The following HMCN1 variants were observed in gnomAD, a reference collection of about 807,000 sequenced individuals.
The protein encoded by HMCN1 is hemicentin-1.
A neutral mutation model predicts 625.9 loss-of-function variants in HMCN1; 321 were observed. The ratio of observed to expected loss-of-function variants is 0.51; its 90% CI spans 0.47 to 0.56. HMCN1 has a LOEUF of 0.56. Ranked by LOEUF, HMCN1 falls within the 20% of genes least tolerant of loss-of-function variation. The probability of loss-of-function intolerance (pLI) is 0.00; values close to 1 mark genes in which losing one functional copy is unlikely to be tolerated. For missense variants in HMCN1, 6,588 were observed against 6,887.3 expected (o/e 0.96, Z 1.54); for synonymous variants, 2,425 against 2,417.6 (o/e 1.00, Z -0.09).
chr1:185,903,661 G>C (rs527681209), intron 4 of HMCN1, among the ~76,000 whole-genome samples: 8 of 151,706 alleles, frequency 5.3e-5, no homozygotes, highest in East Asian at 1.9e-4. Flanking sequence ...CCTCTCAAAA[G>C]TCTCAAGTGG....
chr1:186,055,279 T>C (rs1657234281), intron 44 of HMCN1, 114 bp from the exon 45 acceptor site: 1 of 969,070 alleles, frequency 1.0e-6, no homozygotes, highest in Admixed American at 2.1e-5. Flanking sequence ...TTTTCTTTAG[T>C]TATTTATATT....
chr1:185,781,082 T>A (rs936480746), intron 1 of HMCN1, among the ~76,000 whole-genome samples: 2 of 152,220 alleles, frequency 1.3e-5, no homozygotes, highest in African/African-American at 2.4e-5. Context: ...CTTGGGAAGT[T>A]GTATGTGTCC....
intron 71 of HMCN1, 146 bp downstream of exon 71, chr1:186,108,743 A>T (rs1434704976): frequency 5.0e-6 from 5 of 1,001,550 alleles, no homozygotes; most frequent in African/African-American, 4.9e-5. Context: ...CAGGGTTTTT[A>T]AATTAGCTTT....
At chr1:186,139,261 G>A (rs552791879) in intron 89 of HMCN1, among the ~76,000 whole-genome samples, 16 of 152,260 alleles carry the variant, frequency 1.1e-4, no homozygotes, top group South Asian at 4.1e-4. Flanking sequence ...TATTTAAATC[G>A]TAGGTATCTG....
At chr1:185,939,231 A>C (rs1046713820) in intron 11 of HMCN1, among the ~76,000 whole-genome samples, 12 of 152,230 alleles carry the variant, frequency 7.9e-5, no homozygotes, top group Non-Finnish European at 1.6e-4. Flanking sequence ...GGCTGTTTGA[A>C]TCAGCCACAC....
intron 8 of HMCN1, among the ~76,000 whole-genome samples, chr1:185,924,253 C>T (rs1448805851): frequency 9.4e-5 from 6 of 63,718 alleles, no homozygotes; most frequent in African/African-American, 3.7e-4. Context: ...TTTTTTGAGA[C>T]GGAGTCTCGC....
At position 186,055,542 on chromosome 1, in the gene HMCN1, G is replaced by C. The variant is rs766593304; in HGVS notation, c.7012G>C (p.Gly2338Arg). The C allele has an allele frequency of 6.2e-7, 1 of 1,612,796 alleles. No homozygotes were observed. Among genetic ancestry groups the C allele is most frequent in the Non-Finnish European group, 8.5e-7 (1 of 1,179,266 alleles). ...TGGCCACCCCTTGATCAAGGCAAAG[G>C]GAGTAGAAATACTGGATGAAGGTCA... Reference protein sequence around the residue: ...KDGHPLIKAKGVEILDEGHIL... With the variant: ...KDGHPLIKAKRVEILDEGHIL... Residue 2338 changes from glycine (G) to arginine (R), a missense_variant, in exon 45 of 107, where the codon GGA (glycine) becomes CGA (arginine). Around this residue, in one of 3 missense-constraint regions of HMCN1, gnomAD observed 4,628 missense variants for 4,853.1 expected, o/e 0.95. Transcript: ENST00000271588.
chr1:185,996,117 T>C (rs892077668), intron 24 of HMCN1, among the ~76,000 whole-genome samples: 1 of 152,176 alleles, frequency 6.6e-6, no homozygotes, highest in African/African-American at 2.4e-5. Context: ...CATGAAATAG[T>C]CTCATGACTA....
intron 58 of HMCN1, 101 bp from the exon 59 acceptor site, chr1:186,087,116 C>T (rs1473883097): frequency 3.9e-6 from 3 of 775,100 alleles, no homozygotes; most frequent in Non-Finnish European, 7.0e-6. Flanking sequence ...ATAAATTTTA[C>T]TCTAAGGGGA....
At chr1:186,048,694 C>A (rs1422341563) in intron 41 of HMCN1, 49 bp from the exon 42 acceptor site, 3 of 1,098,594 alleles carry the variant, frequency 2.7e-6, no homozygotes, top group Non-Finnish European at 2.8e-6. Context: ...AATTAAAAAA[C>A]CCCAAGTGAA....
chr1:186,096,414 T>C (rs1239271894), intron 68 of HMCN1, among the ~76,000 whole-genome samples: 2 of 152,122 alleles, frequency 1.3e-5, no homozygotes, highest in Non-Finnish European at 2.9e-5. Flanking sequence ...TATTAATGTG[T>C]TATTTGTTGG....
intron 2 of HMCN1, among the ~76,000 whole-genome samples, chr1:185,856,563 G>A (rs1662480331): frequency 6.6e-6 from 1 of 151,932 alleles, no homozygotes; most frequent in African/African-American, 2.4e-5. Flanking sequence ...ACAGGTAAGG[G>A]ACAGATTACA....
chr1:186,178,389 CTTT>C, intron 103 of HMCN1, 24 bp from the exon 104 acceptor site: 1 of 1,507,734 alleles, frequency 6.6e-7, no homozygotes, highest in Non-Finnish European at 9.1e-7. Context: ...CTTTTTTTTT[CTTT>C]TTTATATCAT....
intron 84 of HMCN1, 103 bp downstream of exon 84, chr1:186,130,203 A>C: frequency 6.8e-7 from 1 of 1,467,058 alleles, no homozygotes; most frequent in South Asian, 1.2e-5. Context: ...TCAAGTTTTT[A>C]ATCCACTCAG....
chr1:186,179,684 G>C (rs1652817618), intron 104 of HMCN1, among the ~76,000 whole-genome samples: 1 of 152,166 alleles, frequency 6.6e-6, no homozygotes, highest in Non-Finnish European at 1.5e-5. Flanking sequence ...TTTCTGGAAA[G>C]CGTTCTACAC....
chr1:185,824,571 C>T lies in HMCN1; in HGVS notation c.269-21455C>T, dbSNP rs113803119. 7.4e-3 allele frequency among the ~76,000 whole-genome samples: 1,130 copies of T among 152,190 alleles called. 10 individuals are homozygous for T. Among genetic ancestry groups the T allele is most frequent in the African/African-American group, 0.025 (1,057 of 41,550 alleles). Reference sequence around the variant, plus strand: ...TGGTTAGATTATCGGGGAGAATGGACACTATATTGGTTGTAGGCATAACCA... The same window carrying T: ...TGGTTAGATTATCGGGGAGAATGGATACTATATTGGTTGTAGGCATAACCA... On this transcript the variant is annotated intron_variant, in intron 1 of 106. Coordinates refer to ENST00000271588, the MANE Select transcript of HMCN1 (RefSeq NM_031935.3).
rs369129914 is a variant in HMCN1 at position 186,165,062 on chromosome 1, G to A, written c.15257-49G>A. On this transcript the variant is annotated intron_variant, in intron 97 of 106. Transcript: ENST00000271588. ...AAGATGGTACTGGAAAGAAGCCAGG[G>A]GCAACTATTCCAATAAGCCAGTTAA... 102 of 1,514,628 alleles carry A rather than the reference G, an allele frequency of 6.7e-5. No homozygotes were observed. The African/African-American group carries it at 1.2e-3, about 18-fold the overall frequency. The allele number at this position is 1,514,628 out of a possible 1,614,324, so 93.8% of individuals were successfully genotyped here.
intron 11 of HMCN1, among the ~76,000 whole-genome samples, chr1:185,947,133 G>A (rs73062470): frequency 0.01 from 1,548 of 152,250 alleles, 25 homozygotes; most frequent in African/African-American, 0.036. Flanking sequence ...TTGCTTGGGT[G>A]TTTTGTTGCC....
At chr1:186,170,901 C>T (rs1412614847) in intron 100 of HMCN1, among the ~76,000 whole-genome samples, 5 of 152,126 alleles carry the variant, frequency 3.3e-5, no homozygotes, top group African/African-American at 9.7e-5. Context: ...CAGTCAGGCA[C>T]AGGGTGATAA....
Sources: allele counts gnomAD v4.1 joint callset (sites outside exome capture counted in the v4.1 genomes callset), GRCh38; gene constraint gnomAD v4.1.1; regional missense constraint gnomAD v4.1.1; transcripts MANE v1.5; gene names NCBI Gene and HGNC (gene_info 2026-07-23, HGNC 2026-07-21).